Variants in LYN observed in about 807,000 individuals in gnomAD.
LYN encodes the protein LYN proto-oncogene, Src family tyrosine kinase.
LYN carries 12 observed loss-of-function variants against 65.0 expected under a neutral mutation model. The ratio of observed to expected loss-of-function variants is 0.18; its 90% CI spans 0.12 to 0.30. The LOEUF is 0.30. Ranked by LOEUF, LYN falls within the 10% of genes least tolerant of loss-of-function variation. LYN has a pLI of 1.00. For missense variants in LYN, 380 were observed against 623.2 expected, an observed-to-expected ratio of 0.61 and a Z score of 4.16; for synonymous variants, 222 against 221.2, an observed-to-expected ratio of 1.00 and a Z score of -0.03.
intron 8 of LYN, among the ~76,000 whole-genome samples, chr8:55,955,540 T>C (rs944196579): frequency 6.6e-6 from 1 of 152,220 alleles, no homozygotes. Context: ...GAAATTCACC[T>C]GACATAAATT....
Position 55,883,594 on chromosome 8 carries a change from T to C in LYN, c.-6+3491T>C, listed in dbSNP as rs149637122. Among the ~76,000 whole-genome samples the C allele has an allele frequency of 4.3e-3, 648 of 152,324 alleles. 6 individuals carry two copies. Among genetic ancestry groups the C allele is most frequent in the African/African-American group, 0.015 (622 of 41,576 alleles). ...AATACAGAAGTACCTGAGTAATACT[T>C]TGCAAAAGGACTTTCCCCGACCTGT... On this transcript the variant is annotated intron_variant, in intron 1 of 12. Coordinates refer to ENST00000519728, the MANE Select transcript of LYN (RefSeq NM_002350.4).
At chr8:55,928,302 C>T (rs192779879) in intron 1 of LYN, among the ~76,000 whole-genome samples, 2 of 152,282 alleles carry the variant, frequency 1.3e-5, no homozygotes, top group Admixed American at 6.5e-5. Flanking sequence ...AGCGCCACCA[C>T]GCCCGGCTAG....
intron 12 of LYN, among the ~76,000 whole-genome samples, chr8:56,000,644 C>T (rs1184557239): frequency 2.1e-5 from 3 of 144,692 alleles, no homozygotes; most frequent in Non-Finnish European, 4.5e-5. Flanking sequence ...AGGAGAATCA[C>T]TTCAACCTGG....
intron 1 of LYN, among the ~76,000 whole-genome samples, chr8:55,936,686 A>G (rs1231225554): frequency 6.6e-6 from 1 of 152,236 alleles, no homozygotes; most frequent in East Asian, 1.9e-4. Flanking sequence ...GATAGAAGGA[A>G]TAGATTCTAG....
At chr8:55,960,413 A>G (rs66838044) in intron 8 of LYN, among the ~76,000 whole-genome samples, 21,855 of 152,180 alleles carry the variant, frequency 0.14, 1,734 homozygotes, top group Middle Eastern at 0.26. Context: ...AGAAAAAAAT[A>G]GAAAATTTTG....
chr8:55,987,867 T>C (rs866588472), intron 10 of LYN, among the ~76,000 whole-genome samples: 1 of 152,208 alleles, frequency 6.6e-6, no homozygotes, highest in South Asian at 2.1e-4. Context: ...CTCGTTACTA[T>C]GAATATAACC....
chr8:55,922,874 G>T (rs963319496), intron 1 of LYN, among the ~76,000 whole-genome samples: 26 of 152,328 alleles, frequency 1.7e-4, no homozygotes, highest in Middle Eastern at 3.4e-3. Context: ...AGCAACCTGG[G>T]ATGGTTAGAC....
At chr8:55,951,597 G>C (rs111880687) in intron 6 of LYN, among the ~76,000 whole-genome samples, 12,794 of 151,728 alleles carry the variant, frequency 0.084, 1,148 homozygotes, top group African/African-American at 0.23. Context: ...CCCAAGAGGT[G>C]GAGGCTGCAG....
chr8:55,935,779 CAAAA>C (rs59848254), intron 1 of LYN, among the ~76,000 whole-genome samples: 4 of 93,874 alleles, frequency 4.3e-5, no homozygotes, highest in Non-Finnish European at 9.0e-5. Context: ...AGACTCCATC[CAAAA>C]AAAAAAAAAA....
intron 10 of LYN, among the ~76,000 whole-genome samples, chr8:55,994,716 T>G (rs1365790926): frequency 6.6e-6 from 1 of 152,200 alleles, no homozygotes; most frequent in African/African-American, 2.4e-5. Flanking sequence ...TTTGGCTTCT[T>G]TGGGTTCTTG....
intron 10 of LYN, among the ~76,000 whole-genome samples, chr8:55,975,424 C>T (rs1807725794): frequency 6.6e-6 from 1 of 152,188 alleles, no homozygotes; most frequent in African/African-American, 2.4e-5. Context: ...CCCACAGCCT[C>T]AGCTCTAATA....
At chr8:55,910,260 T>C (rs150562183) in intron 1 of LYN, among the ~76,000 whole-genome samples, 6 of 152,348 alleles carry the variant, frequency 3.9e-5, no homozygotes, top group Admixed American at 1.3e-4. Context: ...GATTTTCTTC[T>C]AGTATTTTTA....
chr8:55,888,658 T>C (rs1184587756), intron 1 of LYN, among the ~76,000 whole-genome samples: 1 of 152,176 alleles, frequency 6.6e-6, no homozygotes, highest in East Asian at 1.9e-4. Flanking sequence ...GTAATCGTCA[T>C]CTGCAAGTAG....
At chr8:55,932,442 G>A (rs1337012002) in intron 1 of LYN, among the ~76,000 whole-genome samples, 2 of 151,002 alleles carry the variant, frequency 1.3e-5, no homozygotes, top group Admixed American at 1.3e-4. Context: ...TTTTTTTTTA[G>A]ATGGAGCCTC....
At chr8:55,929,101 T>C (rs987536766) in intron 1 of LYN, among the ~76,000 whole-genome samples, 1 of 152,250 alleles carries the variant, frequency 6.6e-6, no homozygotes, top group Non-Finnish European at 1.5e-5. Flanking sequence ...CAGTTGACTA[T>C]ATTTGTGTGG....
intron 1 of LYN, among the ~76,000 whole-genome samples, chr8:55,933,463 A>G (rs1425161356): frequency 6.6e-6 from 1 of 152,228 alleles, no homozygotes; most frequent in Non-Finnish European, 1.5e-5. Flanking sequence ...TTATTTTCTT[A>G]TAAGTAATTT....
intron 10 of LYN, among the ~76,000 whole-genome samples, chr8:55,970,518 G>T (rs1197386161): frequency 6.6e-6 from 1 of 152,132 alleles, no homozygotes; most frequent in Admixed American, 6.6e-5. Context: ...CTCAGTATTG[G>T]CAATCGGTGG....
At chr8:55,881,771 A>G (rs1463384370) in intron 1 of LYN, among the ~76,000 whole-genome samples, 1 of 152,148 alleles carries the variant, frequency 6.6e-6, no homozygotes, top group Non-Finnish European at 1.5e-5. Flanking sequence ...AGCCAGAGTT[A>G]TATTGATTTG....
chr8:55,965,789 T>G (rs79939821), intron 8 of LYN, among the ~76,000 whole-genome samples: 5,385 of 152,274 alleles, frequency 0.035, 355 homozygotes, highest in African/African-American at 0.12. Flanking sequence ...TTGTTTTGTT[T>G]TTTTTGGTCT....
Sources: gnomAD v4.1 joint callset for allele counts (sites outside exome capture counted in the v4.1 genomes callset) on GRCh38, gnomAD v4.1.1 for gene constraint, MANE v1.5 for transcripts, NCBI Gene and HGNC (gene_info 2026-07-23, HGNC 2026-07-21) for gene names.